Variants in MLIP observed in about 807,000 individuals in gnomAD.
The protein encoded by MLIP is muscular LMNA interacting protein.
In MLIP, 79 loss-of-function variants were observed where a neutral mutation model predicts 84.8. The ratio of observed to expected loss-of-function variants is 0.93; its 90% CI spans 0.78 to 1.12. The LOEUF is 1.12. Ranked by LOEUF, MLIP falls within the 50% of genes most tolerant of loss-of-function variation. MLIP has a pLI of 0.00. For missense variants in MLIP, 1,257 were observed against 1,160.6 expected, an observed-to-expected ratio of 1.08 and a Z score of -1.21; for synonymous variants, 504 against 463.0, an observed-to-expected ratio of 1.09 and a Z score of -1.14.
At chr6:54,139,263 A>G (rs990385389) in intron 4 of MLIP, among the ~76,000 whole-genome samples, 5 of 152,244 alleles carry the variant, frequency 3.3e-5, no homozygotes, top group Admixed American at 3.3e-4. Context: ...CAGTACAGCT[A>G]GAAAACCAAT....
chr6:54,211,221 GTACCGAAAA>G, intron 11 of MLIP, among the ~76,000 whole-genome samples: 1 of 152,222 alleles, frequency 6.6e-6, no homozygotes, highest in Non-Finnish European at 1.5e-5. Context: ...GTGAGACTCT[GTACCGAAAA>G]ATAAAAATAA....
chr6:54,214,834 G>A (rs1779736350), intron 11 of MLIP, among the ~76,000 whole-genome samples: 1 of 152,210 alleles, frequency 6.6e-6, no homozygotes, highest in South Asian at 2.1e-4. Context: ...TTATGAGCAT[G>A]TGGTCTCCGC....
intron 10 of MLIP, among the ~76,000 whole-genome samples, chr6:54,200,848 G>A (rs1335030421): frequency 2.0e-5 from 3 of 152,154 alleles, no homozygotes; most frequent in African/African-American, 7.2e-5. Flanking sequence ...GTTGAAGAAA[G>A]TATTGCAGAG....
At position 54,148,941 on chromosome 6, in the gene MLIP, T is replaced by C. The variant is rs539625231; in HGVS notation, c.2218-115T>C. 306 of 775,892 alleles carry C rather than the reference T, an allele frequency of 3.9e-4. No individual in the cohort carries two copies. In the African/African-American group the frequency reaches 5.1e-3, roughly 13 times the overall value. The allele number at this position is 775,892 out of a possible 1,614,324, so 48.1% of individuals were successfully genotyped here. A position where few individuals can be genotyped will look rare whatever the true frequency, so the allele number is the denominator to read the frequency against. ...GTCAGAAACAAGTTGTTCAGCATAA[T>C]AACCCTTTTCTTCATTTGATAACGT... is the stretch of plus-strand genomic sequence containing the variant. On this transcript the variant is annotated intron_variant, in intron 4 of 13. Transcript: ENST00000502396.
At chr6:54,041,322 C>T (rs927155075) in intron 1 of MLIP, among the ~76,000 whole-genome samples, 1 of 151,914 alleles carries the variant, frequency 6.6e-6, no homozygotes, top group African/African-American at 2.4e-5. Context: ...AAACATTCAC[C>T]CACTGAAGAA....
intron 11 of MLIP, among the ~76,000 whole-genome samples, chr6:54,203,978 A>G (rs1243461758): frequency 1.3e-5 from 2 of 152,230 alleles, no homozygotes; most frequent in African/African-American, 4.8e-5. Context: ...CTTAAAATCT[A>G]TGATTAACCA....
chr6:54,103,266 A>G (rs1768783898), intron 1 of MLIP, among the ~76,000 whole-genome samples: 1 of 152,184 alleles, frequency 6.6e-6, no homozygotes, highest in Non-Finnish European at 1.5e-5. Context: ...TTCTAAAATA[A>G]CATATGTCAT....
chr6:54,202,967 G>A (rs538117610), intron 11 of MLIP, among the ~76,000 whole-genome samples: 1 of 152,166 alleles, frequency 6.6e-6, no homozygotes, highest in Non-Finnish European at 1.5e-5. Context: ...TACTGAAGTT[G>A]ACAAAAGTCC....
intron 10 of MLIP, among the ~76,000 whole-genome samples, chr6:54,192,772 TG>T (rs1218116251): frequency 6.6e-6 from 1 of 152,128 alleles, no homozygotes; most frequent in Non-Finnish European, 1.5e-5. Flanking sequence ...TTATTGGAAA[TG>T]TATGATACTT....
chr6:54,217,682 T>C, intron 11 of MLIP: 1 of 984,256 alleles, frequency 1.0e-6, no homozygotes, highest in Non-Finnish European at 1.2e-6. Context: ...GTTCTATGTA[T>C]ACTGAAATTG....
rs369591208 is a variant in MLIP, at chr6:54,025,257, A to G, written c.63+6166A>G. Among the ~76,000 whole-genome samples, 111 of 152,326 alleles carry G rather than the reference A, an allele frequency of 7.3e-4. 1 individual carries two copies. The highest frequency in any genetic ancestry group is 2.1e-3 in the African/African-American group (87 of 41,576). ...AGGCACTCACTCAGAAGGCCCTGAC[A>G]TGCCCCAAAACAAGTCATCTATTCT... On this transcript the variant is annotated intron_variant, in intron 1 of 12. Transcript: ENST00000274897.
intron 11 of MLIP, among the ~76,000 whole-genome samples, chr6:54,202,854 A>G (rs115203167): frequency 0.014 from 2,110 of 152,320 alleles, 50 homozygotes; most frequent in African/African-American, 0.048. Context: ...GCAAGTAATC[A>G]TGCCACTGCA....
intron 9 of MLIP, among the ~76,000 whole-genome samples, chr6:54,185,517 T>G (rs1777303656): frequency 6.6e-6 from 1 of 152,172 alleles, no homozygotes; most frequent in African/African-American, 2.4e-5. Context: ...TTTTCCTAAT[T>G]TAATTAATAT....
At chr6:54,080,010 C>T (rs1183060528) in intron 1 of MLIP, among the ~76,000 whole-genome samples, 1 of 152,164 alleles carries the variant, frequency 6.6e-6, no homozygotes, top group African/African-American at 2.4e-5. Flanking sequence ...GTATAGAATG[C>T]CAGGCATCCT....
intron 1 of MLIP, among the ~76,000 whole-genome samples, chr6:54,087,951 G>C (rs913708065): frequency 6.6e-6 from 1 of 151,928 alleles, no homozygotes; most frequent in African/African-American, 2.4e-5. Context: ...AGAACACCTG[G>C]GCAGGCTGAA....
chr6:54,195,565 A>T (rs1483577411), intron 10 of MLIP, among the ~76,000 whole-genome samples: 1 of 152,128 alleles, frequency 6.6e-6, no homozygotes, highest in Non-Finnish European at 1.5e-5. Flanking sequence ...TTGCTGTCAT[A>T]GAATTATAAG....
chr6:54,180,894 G>A (rs2792630), intron 9 of MLIP, among the ~76,000 whole-genome samples: 129,249 of 152,110 alleles, frequency 0.85, 55,965 homozygotes, highest in Non-Finnish European at 0.94. Flanking sequence ...TGATCTTGAT[G>A]CTTGTGGATG....
intron 12 of MLIP, among the ~76,000 whole-genome samples, chr6:54,252,632 C>G (rs1449086574): frequency 6.6e-6 from 1 of 150,558 alleles, no homozygotes; most frequent in African/African-American, 2.4e-5. Flanking sequence ...GACCTCTGGC[C>G]TCCTCATAGG....
At chr6:54,209,964 A>C (rs1291111427) in intron 11 of MLIP, among the ~76,000 whole-genome samples, 2 of 148,890 alleles carry the variant, frequency 1.3e-5, no homozygotes, top group African/African-American at 2.5e-5. Context: ...CTATACATTC[A>C]TCTGTGTGAA....
Sources: allele counts gnomAD v4.1 joint callset (sites outside exome capture counted in the v4.1 genomes callset), GRCh38; gene constraint gnomAD v4.1.1; transcripts MANE v1.5; gene names NCBI Gene and HGNC (gene_info 2026-07-23, HGNC 2026-07-21).